ILRUN: variants seen among roughly 807,000 people sequenced by gnomAD.
ILRUN encodes the protein protein ILRUN.
ILRUN carries 3 observed loss-of-function variants against 33.8 expected under a neutral mutation model. That is an observed-to-expected ratio of 0.09 (90% CI 0.04 to 0.23). The LOEUF is 0.23. Ranked by LOEUF, ILRUN falls within the 10% of genes least tolerant of loss-of-function variation. The pLI is 1.00. For synonymous variants in ILRUN, 124 were observed against 138.9 expected (o/e 0.89, Z 0.75); for missense variants, 210 against 375.1 (o/e 0.56, Z 3.64).
chr6:34,608,982 C>G (rs536409224), intron 3 of ILRUN, among the ~76,000 whole-genome samples: 2 of 152,254 alleles, frequency 1.3e-5, no homozygotes, highest in East Asian at 3.9e-4. Flanking sequence ...CTGTGTGAAC[C>G]GTACTGAACA....
intron 1 of ILRUN, among the ~76,000 whole-genome samples, chr6:34,659,458 ACT>A (rs934667241): frequency 9.2e-5 from 14 of 151,816 alleles, no homozygotes; most frequent in African/African-American, 3.2e-4. Context: ...ATTATATAAC[ACT>A]CTGAACATCT....
intron 1 of ILRUN, among the ~76,000 whole-genome samples, chr6:34,686,104 G>T (rs1413443092): frequency 6.6e-6 from 1 of 152,174 alleles, no homozygotes; most frequent in Non-Finnish European, 1.5e-5. Flanking sequence ...AAACATTTGT[G>T]AATCATAGGA....
chr6:34,596,272 G>T (rs1041216819), intron 4 of ILRUN, among the ~76,000 whole-genome samples: 8 of 152,168 alleles, frequency 5.3e-5, no homozygotes, highest in Non-Finnish European at 1.0e-4. Flanking sequence ...TCTGTAAGAT[G>T]ATTTAACATT....
chr6:34,646,838 G>A lies in ILRUN; in HGVS notation c.314-40C>T. 6.3e-7 allele frequency: 1 copy of A among 1,582,784 alleles called. No homozygotes were observed. The highest frequency in any genetic ancestry group is 1.3e-5 in the African/African-American group (1 of 74,418). On this transcript the variant is annotated intron_variant, in intron 2 of 4. Coordinates refer to ENST00000374023, the MANE Select transcript of ILRUN (RefSeq NM_024294.4). This position sits in a 1 kb window ranked among gnomAD's most constrained non-coding sequence, Gnocchi z 4.9. Reference sequence around the variant, plus strand: ...AAGAAAAAAATGTTAGGCAATCAATGGTCCTATGCTGGGTGCAGTTTATTA... The same window carrying A: ...AAGAAAAAAATGTTAGGCAATCAATAGTCCTATGCTGGGTGCAGTTTATTA...
intron 3 of ILRUN, among the ~76,000 whole-genome samples, chr6:34,625,194 T>C (rs1421004923): frequency 1.3e-5 from 2 of 152,186 alleles, no homozygotes; most frequent in African/African-American, 2.4e-5. Flanking sequence ...TTCCCCTCTT[T>C]TTTTCCTATT....
intron 3 of ILRUN, among the ~76,000 whole-genome samples, chr6:34,631,251 T>C (rs1204295916): frequency 6.6e-6 from 1 of 152,020 alleles, no homozygotes; most frequent in African/African-American, 2.4e-5. Flanking sequence ...TGGTAAGGTG[T>C]GATTAGGTTT....
intron 3 of ILRUN, among the ~76,000 whole-genome samples, chr6:34,624,043 G>C (rs1048082514): frequency 5.9e-5 from 9 of 152,106 alleles, no homozygotes; most frequent in Admixed American, 5.2e-4. Context: ...TGTTGGCCAG[G>C]CTGGTCTTGA....
rs115196945 is a variant in ILRUN at position 34,658,978 on chromosome 6, T to A, written c.159-4199A>T. On this transcript the variant is annotated intron_variant, in intron 1 of 4. Coordinates refer to ENST00000374023, the MANE Select transcript of ILRUN (RefSeq NM_024294.4). The stretch of plus-strand genomic sequence containing the variant: ...AGATTGCAGAGGCAACGTATGCAAA[T>A]GTCCTGGTTGGCAGTCATTCATTCA... Among the ~76,000 whole-genome samples, 664 of 152,354 alleles carry A rather than the reference T, an allele frequency of 4.4e-3. 6 individuals are homozygous for A. The highest frequency in any genetic ancestry group is 0.015 in the African/African-American group (606 of 41,586).
chr6:34,613,997 A>G (rs1020687206), intron 3 of ILRUN, among the ~76,000 whole-genome samples: 4 of 152,230 alleles, frequency 2.6e-5, no homozygotes, highest in African/African-American at 9.6e-5. Context: ...GTCAAAGAAC[A>G]AAAGGATAAG....
intron 3 of ILRUN, chr6:34,616,463 T>C: frequency 1.5e-6 from 1 of 647,180 alleles, no homozygotes; most frequent in Non-Finnish European, 2.7e-6. Context: ...TGAGAAAGGC[T>C]TGAAAGTGGA....
intron 4 of ILRUN, among the ~76,000 whole-genome samples, chr6:34,599,430 G>C (rs1761464561): frequency 6.6e-6 from 1 of 152,122 alleles, no homozygotes; most frequent in Non-Finnish European, 1.5e-5. Flanking sequence ...GGCATGTCAA[G>C]AAACATTTCT....
At chr6:34,661,110 G>A (rs1418397020) in intron 1 of ILRUN, among the ~76,000 whole-genome samples, 1 of 152,100 alleles carries the variant, frequency 6.6e-6, no homozygotes. Context: ...TGGTCCTTCT[G>A]TCTTCAGCAG....
intron 1 of ILRUN, among the ~76,000 whole-genome samples, chr6:34,656,884 A>T (rs1320828447): frequency 6.6e-6 from 1 of 152,228 alleles, no homozygotes; most frequent in Non-Finnish European, 1.5e-5. Flanking sequence ...ATATTTACAT[A>T]AAGAGAGCTG....
chr6:34,657,308 T>C (rs1480270432), intron 1 of ILRUN, among the ~76,000 whole-genome samples: 2 of 152,272 alleles, frequency 1.3e-5, no homozygotes, highest in Admixed American at 1.3e-4. Flanking sequence ...CCAATTCTCA[T>C]CCCCAGCTTG....
At chr6:34,610,923 T>A (rs1192031307) in intron 3 of ILRUN, among the ~76,000 whole-genome samples, 1 of 151,954 alleles carries the variant, frequency 6.6e-6, no homozygotes, top group Non-Finnish European at 1.5e-5. Context: ...AACTAAAGCA[T>A]CTTTAGGCTG....
intron 3 of ILRUN, chr6:34,617,243 T>C (rs1245298745): frequency 1.0e-5 from 4 of 400,184 alleles, no homozygotes; most frequent in Non-Finnish European, 1.9e-5. Flanking sequence ...ACACGCTTAA[T>C]AGAAGAATGA....
At chr6:34,596,740 T>G (rs1204372075) in intron 4 of ILRUN, among the ~76,000 whole-genome samples, 1 of 152,222 alleles carries the variant, frequency 6.6e-6, no homozygotes, top group African/African-American at 2.4e-5. Flanking sequence ...CAAGGGCTGA[T>G]GACAGGGCAA....
In ILRUN at chr6:34,688,806, C is replaced by G. The variant is rs529193812; in HGVS notation, c.158+7640G>C. 1.6e-4 allele frequency among the ~76,000 whole-genome samples: 24 copies of G among 150,718 alleles called. No homozygotes were observed. In the South Asian group the frequency reaches 4.7e-3, roughly 29 times the overall value. On this transcript the variant is annotated intron_variant, in intron 1 of 4. Coordinates refer to ENST00000374023, the MANE Select transcript of ILRUN (RefSeq NM_024294.4). ...CCAGCCTGGGCGACAACAACAACAA[C>G]AAGATGCAGACACAAAAGGACAAAT... is the stretch of plus-strand genomic sequence containing the variant.
At chr6:34,641,357 C>G (rs762768788) in intron 3 of ILRUN, among the ~76,000 whole-genome samples, 2 of 152,104 alleles carry the variant, frequency 1.3e-5, no homozygotes, top group South Asian at 2.1e-4. Flanking sequence ...ATAATCTATT[C>G]TCTTTCTGTT....
Sources: gnomAD v4.1 joint callset for allele counts (sites outside exome capture counted in the v4.1 genomes callset) on GRCh38, gnomAD v4.1.1 for gene constraint, Gnocchi (gnomAD v3.1) non-coding constraint, MANE v1.5 for transcripts, NCBI Gene and HGNC (gene_info 2026-07-23, HGNC 2026-07-21) for gene names.